Variants in RPS6KC1 observed in about 807,000 individuals in gnomAD.
RPS6KC1 encodes ribosomal protein S6 kinase C1.
RPS6KC1 carries 54 observed loss-of-function variants against 103.8 expected under a neutral mutation model. That is an observed-to-expected ratio of 0.52 (90% CI 0.42 to 0.65). RPS6KC1 has a LOEUF of 0.65. RPS6KC1 is among the 30% of genes least tolerant of loss of function. The pLI is 0.00. For missense variants in RPS6KC1, 1,151 were observed against 1,253.8 expected (o/e 0.92, Z 1.24); for synonymous variants, 439 against 438.7 (o/e 1.00, Z -0.01).
the RPS6KC1 span, among the ~76,000 whole-genome samples, chr1:213,625,878 CGCAATAAACATACGTGT>C: frequency 6.6e-5 from 10 of 152,044 alleles, no homozygotes; most frequent in Non-Finnish European, 2.9e-5. Flanking sequence ...TGAATAGTGC[CGCAATAAACATACGTGT>C]GCATGTGTCT....
At chr1:213,647,242 A>G in the RPS6KC1 span, among the ~76,000 whole-genome samples, 6 of 152,052 alleles carry the variant, frequency 3.9e-5, no homozygotes, top group African/African-American at 1.4e-4. Context: ...TCATGATTTG[A>G]AGGAGGTTGA....
intron 8 of RPS6KC1, among the ~76,000 whole-genome samples, chr1:213,182,464 C>G (rs557686764): frequency 1.2e-4 from 19 of 152,210 alleles, no homozygotes; most frequent in African/African-American, 4.3e-4. Context: ...GCACTCCAGC[C>G]TGAGCAACAG....
the RPS6KC1 span, among the ~76,000 whole-genome samples, chr1:213,711,803 T>C: frequency 6.6e-6 from 1 of 152,152 alleles, no homozygotes; most frequent in Non-Finnish European, 1.5e-5. Context: ...TTTCTGGAGG[T>C]CCACTCCATA....
At chr1:213,687,386 T>A in the RPS6KC1 span, among the ~76,000 whole-genome samples, 1 of 152,184 alleles carries the variant, frequency 6.6e-6, no homozygotes, top group African/African-American at 2.4e-5. Flanking sequence ...GTGTCTAAGC[T>A]CTTCCCGTCT....
intron 8 of RPS6KC1, among the ~76,000 whole-genome samples, chr1:213,229,913 A>C (rs931248336): frequency 6.6e-6 from 1 of 152,184 alleles, no homozygotes; most frequent in African/African-American, 2.4e-5. Flanking sequence ...GTTAGGTAAG[A>C]GTTGATCTTT....
chr1:213,459,052 T>G, the RPS6KC1 span, among the ~76,000 whole-genome samples: 1 of 152,236 alleles, frequency 6.6e-6, no homozygotes, highest in Non-Finnish European at 1.5e-5. Context: ...TCATGGATAT[T>G]GGTCTGAAAT....
the RPS6KC1 span, among the ~76,000 whole-genome samples, chr1:213,633,147 T>C: frequency 1.3e-5 from 2 of 152,196 alleles, no homozygotes; most frequent in African/African-American, 2.4e-5. Flanking sequence ...CAGAAGAACT[T>C]CCCCAACCTA....
the RPS6KC1 span, among the ~76,000 whole-genome samples, chr1:213,526,653 C>T: frequency 6.6e-6 from 1 of 152,160 alleles, no homozygotes; most frequent in Non-Finnish European, 1.5e-5. Context: ...AGTCCTGATT[C>T]TACCGCTAAA....
At chr1:213,408,081 A>G in the RPS6KC1 span, among the ~76,000 whole-genome samples, 1 of 152,354 alleles carries the variant, frequency 6.6e-6, no homozygotes, top group South Asian at 2.1e-4. Flanking sequence ...GGGAGACACC[A>G]GGACATTCAT....
intron 3 of RPS6KC1, among the ~76,000 whole-genome samples, chr1:213,078,937 A>AGT (rs2079605591): frequency 6.6e-6 from 1 of 152,022 alleles, no homozygotes. Context: ...ACTCTGTATC[A>AGT]GTGTGTGTGT....
At chr1:213,596,293 A>G in the RPS6KC1 span, among the ~76,000 whole-genome samples, 1 of 152,226 alleles carries the variant, frequency 6.6e-6, no homozygotes, top group African/African-American at 2.4e-5. Flanking sequence ...GATAGGAGTC[A>G]ACGCGAGTGG....
intron 8 of RPS6KC1, among the ~76,000 whole-genome samples, chr1:213,226,997 A>G (rs1418021515): frequency 6.6e-6 from 1 of 152,224 alleles, no homozygotes; most frequent in Non-Finnish European, 1.5e-5. Flanking sequence ...GAGTATGGAC[A>G]AAGTCCTGAG....
intron 8 of RPS6KC1, among the ~76,000 whole-genome samples, chr1:213,226,222 C>CAA (rs11442353): frequency 1.4e-3 from 177 of 127,444 alleles, no homozygotes; most frequent in East Asian, 2.7e-3. Flanking sequence ...GACTCTGTCT[C>CAA]AAAAAAAAAA....
At chr1:213,476,358 T>G in the RPS6KC1 span, among the ~76,000 whole-genome samples, 1 of 152,144 alleles carries the variant, frequency 6.6e-6, no homozygotes, top group Non-Finnish European at 1.5e-5. Flanking sequence ...TAATATTTGT[T>G]AAGCTTTTTG....
chr1:213,363,674 C>G, the RPS6KC1 span, among the ~76,000 whole-genome samples: 3 of 103,276 alleles, frequency 2.9e-5, 1 homozygote, highest in African/African-American at 1.5e-4. Flanking sequence ...TTCTTTCTTT[C>G]TTTCTTTCTT....
the RPS6KC1 span, among the ~76,000 whole-genome samples, chr1:213,764,568 G>T: frequency 6.6e-6 from 1 of 152,176 alleles, no homozygotes; most frequent in African/African-American, 2.4e-5. Context: ...AACCTCAGAA[G>T]CTCTAGTTCT....
chr1:213,692,989 T>C, the RPS6KC1 span, among the ~76,000 whole-genome samples: 2 of 152,196 alleles, frequency 1.3e-5, no homozygotes, highest in African/African-American at 4.8e-5. Context: ...CCTGGGCCAG[T>C]CCTGGAACAC....
the RPS6KC1 span, among the ~76,000 whole-genome samples, chr1:213,401,220 C>T: frequency 3.1e-4 from 47 of 152,138 alleles, no homozygotes; most frequent in African/African-American, 1.0e-3. Flanking sequence ...GTGCTGGGTA[C>T]GTTGACATGG....
chr1:213,764,452 G>A, the RPS6KC1 span, among the ~76,000 whole-genome samples: 2 of 152,268 alleles, frequency 1.3e-5, no homozygotes, highest in South Asian at 4.1e-4. Flanking sequence ...CTTTTAGGTT[G>A]TCCCTGCTAT....
Sources: gnomAD v4.1 joint callset for allele counts (sites outside exome capture counted in the v4.1 genomes callset) on GRCh38, gnomAD v4.1.1 for gene constraint, MANE v1.5 for transcripts, NCBI Gene and HGNC (gene_info 2026-07-23, HGNC 2026-07-21) for gene names.